Variants in MEP1A observed in about 807,000 individuals in gnomAD.
MEP1A encodes N-benzoyl-L-tyrosyl-P-amino-benzoic acid hydrolase subunit alpha.
A neutral mutation model predicts 84.5 loss-of-function variants in MEP1A; 68 were observed. The observed-to-expected ratio is 0.80, with a 90% CI of 0.66 to 0.98. The LOEUF is 0.98. Ranked by LOEUF, MEP1A falls within the 50% of genes least tolerant of loss-of-function variation. The probability of loss-of-function intolerance (pLI) is 0.00; values close to 1 mark genes in which losing one functional copy is unlikely to be tolerated. For synonymous variants in MEP1A, 337 were observed against 336.8 expected, an observed-to-expected ratio of 1.00 and a Z score of -0.01; for missense variants, 887 against 919.9, an observed-to-expected ratio of 0.96 and a Z score of 0.46.
chr6:46,824,833 T>TG, intron 7 of MEP1A, among the ~76,000 whole-genome samples: 1 of 85,994 alleles, frequency 1.2e-5, no homozygotes, highest in African/African-American at 5.4e-5. Flanking sequence ...TGTATTTAAA[T>TG]ATATATAAAT....
intron 10 of MEP1A, among the ~76,000 whole-genome samples, chr6:46,832,122 A>G (rs1034953887): frequency 5.3e-5 from 8 of 152,228 alleles, no homozygotes; most frequent in Admixed American, 4.6e-4. Context: ...GTTAAAAGAC[A>G]CAGAAGAAGG....
intron 7 of MEP1A, among the ~76,000 whole-genome samples, chr6:46,824,263 T>A (rs1310643317): frequency 6.6e-6 from 1 of 151,820 alleles, no homozygotes; most frequent in East Asian, 1.9e-4. Flanking sequence ...TACACACACG[T>A]ACACACACAC....
chr6:46,799,089 T>G lies in MEP1A; in HGVS notation c.187-17T>G, dbSNP rs771509892. The G allele has an allele frequency of 6.3e-7, 1 of 1,588,602 alleles. No individual in the cohort carries two copies. The highest frequency in any genetic ancestry group is 2.2e-5 in the East Asian group (1 of 44,748). ...GAGGACTAGGCTTCCCACTCACCTT[T>G]ACCTTTGTTTTCACAGAAATCCAGA... is the stretch of plus-strand genomic sequence containing the variant. On this transcript the variant is annotated splice_polypyrimidine_tract_variant and intron_variant, in intron 4 of 13. Transcript: ENST00000230588.
intron 5 of MEP1A, among the ~76,000 whole-genome samples, chr6:46,799,384 A>G (rs1460901390): frequency 6.6e-6 from 1 of 152,262 alleles, no homozygotes; most frequent in African/African-American, 2.4e-5. Context: ...ACAGAATCCA[A>G]GAATAACTTT....
At chr6:46,825,961 G>C (rs947064629) in intron 8 of MEP1A, among the ~76,000 whole-genome samples, 2 of 152,042 alleles carry the variant, frequency 1.3e-5, no homozygotes, top group Non-Finnish European at 2.9e-5. Context: ...TAATCCTCTG[G>C]GGCAGGGTGT....
chr6:46,825,611 A>T, intron 8 of MEP1A, 118 bp downstream of exon 8: 1 of 725,782 alleles, frequency 1.4e-6, no homozygotes, highest in South Asian at 2.0e-5. Context: ...TAAAAGAATA[A>T]GAACAAACTG....
At chr6:46,805,983 T>TC (rs1357072810) in intron 5 of MEP1A, among the ~76,000 whole-genome samples, 3 of 152,044 alleles carry the variant, frequency 2.0e-5, no homozygotes, top group Non-Finnish European at 4.4e-5. Context: ...TCTTTTACCA[T>TC]CGCCAGTCAG....
chr6:46,809,045 T>C (rs1336287995), intron 5 of MEP1A, among the ~76,000 whole-genome samples: 1 of 152,080 alleles, frequency 6.6e-6, no homozygotes, highest in Non-Finnish European at 1.5e-5. Flanking sequence ...TTCTGTTTTC[T>C]GTTCTGCCAT....
intron 7 of MEP1A, among the ~76,000 whole-genome samples, chr6:46,821,474 G>A (rs1459043634): frequency 1.3e-5 from 2 of 152,168 alleles, no homozygotes; most frequent in Non-Finnish European, 1.5e-5. Context: ...ATAACTGTGT[G>A]TGTGTGTAGA....
chr6:46,799,234 C>T, intron 5 of MEP1A, 53 bp downstream of exon 5: 1 of 1,223,486 alleles, frequency 8.2e-7, no homozygotes, highest in South Asian at 1.2e-5. Context: ...TCTCTCTCCT[C>T]TCAGCCTGTC....
intron 5 of MEP1A, among the ~76,000 whole-genome samples, chr6:46,807,773 A>AAG (rs1322846078): frequency 2.5e-5 from 1 of 39,526 alleles, no homozygotes; most frequent in Non-Finnish European, 5.6e-5. Context: ...GGAGAAAGGA[A>AAG]AGAAAGAAAG....
intron 3 of MEP1A, among the ~76,000 whole-genome samples, chr6:46,795,820 CT>C (rs1283632077): frequency 2.6e-5 from 4 of 152,238 alleles, no homozygotes; most frequent in African/African-American, 7.2e-5. Context: ...CTAATGACTT[CT>C]CCTTCAACAT....
In MEP1A at chr6:46,829,426, G is replaced by A. The variant is rs770581121; in HGVS notation, c.999G>A (p.Arg333=). Residue 333 remains arginine, a synonymous_variant, in exon 10 of 14, where the codon CGG becomes CGA. Transcript: ENST00000230588. The part of the protein sequence containing the change: ...SAEEAALLES[R]ILYPKRKQQC... Reference sequence around the variant, plus strand: ...AAGAGGCAGCCCTACTGGAGTCTCGGATTCTTTACCCAAAGAGGAAGCAGC... The same window carrying A: ...AAGAGGCAGCCCTACTGGAGTCTCGAATTCTTTACCCAAAGAGGAAGCAGC... The A allele has an allele frequency of 6.2e-7, 1 of 1,614,150 alleles. No homozygotes were observed. Among genetic ancestry groups the A allele is most frequent in the South Asian group, 1.1e-5 (1 of 91,086 alleles).
At chr6:46,833,809 C>T (rs142481931) in intron 11 of MEP1A, among the ~76,000 whole-genome samples, 3 of 152,214 alleles carry the variant, frequency 2.0e-5, no homozygotes, top group Non-Finnish European at 2.9e-5. Context: ...CAGGTGATCC[C>T]TGCCTCACTG....
At chr6:46,837,985 G>C (rs369491891) in intron 13 of MEP1A, among the ~76,000 whole-genome samples, 2 of 151,248 alleles carry the variant, frequency 1.3e-5, no homozygotes, top group Non-Finnish European at 2.9e-5. Flanking sequence ...TCCACCCCCC[G>C]GGTTCAAGCA....
At chr6:46,837,096 C>T (rs1768232269) in intron 13 of MEP1A, among the ~76,000 whole-genome samples, 1 of 152,194 alleles carries the variant, frequency 6.6e-6, no homozygotes, top group South Asian at 2.1e-4. Flanking sequence ...CTAATTTCAG[C>T]ATCTGTTGAC....
rs143012087 is a variant in MEP1A, at chr6:46,829,640, C to T, written c.1144+69C>T. 7.9e-5 allele frequency: 89 copies of T among 1,126,308 alleles called. No homozygotes were observed. In the African/African-American group the frequency reaches 9.2e-4, roughly 12 times the overall value. The allele number at this position is 1,126,308 out of a possible 1,614,324, so 69.8% of individuals were successfully genotyped here. A position where few individuals can be genotyped will look rare whatever the true frequency, so the allele number is the denominator to read the frequency against. Reference sequence around the variant, plus strand: ...CGGGATCCTGCTTCTTCTCCTCCTTCCCTCTTTCCTCCTACTCCTCCTTCT... The same window carrying T: ...CGGGATCCTGCTTCTTCTCCTCCTTTCCTCTTTCCTCCTACTCCTCCTTCT... On this transcript the variant is annotated intron_variant, in intron 10 of 13. Transcript: ENST00000230588.
intron 5 of MEP1A, 123 bp from the exon 6 acceptor site, chr6:46,809,297 C>T: frequency 6.3e-6 from 4 of 630,156 alleles, no homozygotes; most frequent in Non-Finnish European, 5.2e-6. Flanking sequence ...TATTTATTAC[C>T]AAAAACCCTA....
intron 6 of MEP1A, among the ~76,000 whole-genome samples, chr6:46,814,416 G>A (rs1446386381): frequency 6.6e-6 from 1 of 151,916 alleles, no homozygotes; most frequent in African/African-American, 2.4e-5. Flanking sequence ...TTTTATTTAT[G>A]CTATCTATTT....
Sources: gnomAD v4.1 joint callset for allele counts (sites outside exome capture counted in the v4.1 genomes callset) on GRCh38, gnomAD v4.1.1 for gene constraint, MANE v1.5 for transcripts, NCBI Gene and HGNC (gene_info 2026-07-23, HGNC 2026-07-21) for gene names.